TAOK2: variants seen among roughly 807,000 people sequenced by gnomAD.
TAOK2 encodes TAO kinase 2.
Under a neutral mutation model 122.5 loss-of-function variants are expected in TAOK2, and 42 were observed. That is an observed-to-expected ratio of 0.34 (90% CI 0.27 to 0.44). The LOEUF (loss-of-function observed/expected upper bound fraction) is 0.44, where lower values mean the gene tolerates loss of function less well. Ranked by LOEUF, TAOK2 falls within the 20% of genes least tolerant of loss-of-function variation. The pLI is 1.00. For missense variants in TAOK2, 1,264 were observed against 1,644.9 expected (o/e 0.77, Z 4.01); for synonymous variants, 704 against 677.6 (o/e 1.04, Z -0.61).
rs2069815919 is a variant in TAOK2, at chr16:29,986,851, G to A, written c.2579G>A (p.Ser860Asn). Residue 860 changes from serine (S) to asparagine (N), a missense_variant, in exon 16 of 16, where the codon AGC becomes AAC. Coordinates refer to ENST00000308893, the MANE Select transcript of TAOK2 (RefSeq NM_016151.4). The surrounding 1 kb of genome is among the most constrained non-coding windows in gnomAD (Gnocchi z 4.2). ...CCCTCCCTTGTACCCCAGGAGAGGA[G>A]CATTGTTGGCCAGGAGGAGGCTGGG... ...RVPSLVPQER[S>N]IVGQEEAGTW... is the part of the protein sequence containing the mutation. 4 of 1,613,954 alleles carry A rather than the reference G, an allele frequency of 2.5e-6. No individual in the cohort carries two copies. The South Asian group carries it at 3.3e-5, about 13-fold the overall frequency.
chr16:29,989,845 A>G, downstream of TAOK2: 2 of 1,600,190 alleles, frequency 1.2e-6, no homozygotes, highest in Non-Finnish European at 1.7e-6. Context: ...GCTAGAGGCC[A>G]GGCTCTGTAC....
rs375597988 is a variant in TAOK2, at chr16:29,986,220, C to G, written c.1993-45C>G. On this transcript the variant is annotated intron_variant, in intron 15 of 15. Coordinates refer to ENST00000308893, the MANE Select transcript of TAOK2 (RefSeq NM_016151.4). The surrounding 1 kb of genome is among the most constrained non-coding windows in gnomAD (Gnocchi z 4.2). ...CCAAGGAGCCCTGGCCTCTCACTTC[C>G]TTGATACTGACCAGGCCCCGGGCCC... 8.6e-6 allele frequency: 13 copies of G among 1,507,974 alleles called. No homozygotes were observed. The East Asian group carries it at 1.4e-4, about 16-fold the overall frequency. The allele number at this position is 1,507,974 out of a possible 1,614,324, so 93.4% of individuals were successfully genotyped here.
Position 29,985,694 on chromosome 16 carries a change from A to G in TAOK2, c.1825A>G (p.Lys609Glu). 6.2e-7 allele frequency: 1 copy of G among 1,608,724 alleles called. No homozygotes were observed. The highest frequency in any genetic ancestry group is 8.5e-7 in the Non-Finnish European group (1 of 1,177,878). ...GAACCCCAGCACTCCCAAGCGGGAG[A>G]AGGCCGAGTGGCTGCTGCGGCAGAA... is the stretch of plus-strand genomic sequence containing the variant. ...QENPSTPKRE[K>E]AEWLLRQKEQ... The change falls in exon 15 of 16, where the codon AAG (lysine) becomes GAG (glutamate). Residue 609 changes from lysine to glutamate, a missense_variant. Transcript: ENST00000308893. This position sits in a 1 kb window ranked among gnomAD's most constrained non-coding sequence, Gnocchi z 6.9.
chr16:29,990,885 C>G (rs774634150), downstream of TAOK2: 6 of 1,613,586 alleles, frequency 3.7e-6, no homozygotes, highest in East Asian at 2.2e-5. Context: ...AGATCAAGAT[C>G]CGCACAGAGA....
chr16:29,987,633 G>C lies in TAOK2; in HGVS notation c.3361G>C (p.Asp1121His), dbSNP rs1278377206. The change falls in exon 16 of 16, where the codon GAT becomes CAT. Residue 1121 changes from aspartate (D) to histidine (H), a missense_variant. Coordinates refer to ENST00000308893, the MANE Select transcript of TAOK2 (RefSeq NM_016151.4). Reference protein sequence around the residue: ...LFALYPKTNKDGFRSRLPVPG... With the variant: ...LFALYPKTNKHGFRSRLPVPG... ...TGCACTGTACCCCAAAACCAACAAG[G>C]ATGGCTTCCGCAGCCGCCTGCCCGT... is the stretch of plus-strand genomic sequence containing the variant. 6.2e-7 allele frequency: 1 copy of C among 1,613,292 alleles called. No individual in the cohort carries two copies. Among genetic ancestry groups the C allele is most frequent in the Non-Finnish European group, 8.5e-7 (1 of 1,179,474 alleles).
chr16:29,985,970 A>G lies in TAOK2; in HGVS notation c.1992+109A>G. 1 of 1,352,364 alleles carries G rather than the reference A, an allele frequency of 7.4e-7. No individual in the cohort carries two copies. The highest frequency in any genetic ancestry group is 2.5e-5 in the East Asian group (1 of 39,942). The allele number at this position is 1,352,364 out of a possible 1,614,324, so 83.8% of individuals were successfully genotyped here. A position where few individuals can be genotyped will look rare whatever the true frequency, so the allele number is the denominator to read the frequency against. On this transcript the variant is annotated intron_variant, in intron 15 of 15. Transcript: ENST00000308893. This position sits in a 1 kb window ranked among gnomAD's most constrained non-coding sequence, Gnocchi z 6.9. ...TCTTTCTCCTTGGCCCTCGAGTGTT[A>G]CAGTTCAGCTTTGCTTCAGTGCCCC...
intron 8 of TAOK2, chr16:29,980,630 TCTC>T (rs1275777243): frequency 1.3e-5 from 2 of 152,064 alleles, no homozygotes; most frequent in African/African-American, 4.8e-5. Flanking sequence ...GACGAGCCCT[TCTC>T]CTCCATCTTC....
downstream of TAOK2, chr16:29,989,535 C>T (rs189939123): frequency 1.5e-4 from 237 of 1,605,814 alleles, no homozygotes; most frequent in Non-Finnish European, 2.0e-4. Flanking sequence ...CCTCTTCCTC[C>T]TCTTCCTCCT....
intron 13 of TAOK2, among the ~76,000 whole-genome samples, chr16:29,984,451 G>C (rs1265949584): frequency 6.6e-6 from 1 of 152,200 alleles, no homozygotes; most frequent in Non-Finnish European, 1.5e-5. Context: ...CTGCATTTGA[G>C]CGTCAACAAT....
intron 4 of TAOK2, 97 bp from the exon 5 acceptor site, chr16:29,978,702 C>T (rs764639192): frequency 4.6e-5 from 66 of 1,434,744 alleles, no homozygotes; most frequent in Non-Finnish European, 5.8e-5. Flanking sequence ...CCTGTCATCA[C>T]CCCGGGGACA....
In TAOK2 at chr16:29,978,085, C is replaced by G. The variant is rs1232034886; in HGVS notation, c.133-4C>G. ...CTTCAACACCTTCTGGTCTGGTCCT[C>G]TAGGCCCGGGATGTCCGGAATAGTG... On this transcript the variant is annotated splice_polypyrimidine_tract_variant and splice_region_variant and intron_variant, in intron 2 of 15. Transcript: ENST00000308893. 1 of 1,614,140 alleles carries G rather than the reference C, an allele frequency of 6.2e-7. No homozygotes were observed. Among genetic ancestry groups the G allele is most frequent in the Admixed American group, 1.7e-5 (1 of 60,030 alleles).
chr16:29,987,444 C>G lies in TAOK2; in HGVS notation c.3172C>G (p.Leu1058Val). 1 of 1,601,240 alleles carries G rather than the reference C, an allele frequency of 6.2e-7. No individual in the cohort carries two copies. The highest frequency in any genetic ancestry group is 8.5e-7 in the Non-Finnish European group (1 of 1,171,866). The change falls in exon 16 of 16, where the codon CTA (leucine) becomes GTA (valine). Residue 1058 changes from leucine (L) to valine (V), a missense_variant. Around this residue, in one of 4 missense-constraint regions of TAOK2, gnomAD observed 824 missense variants for 908.7 expected, o/e 0.91. Coordinates refer to ENST00000308893, the MANE Select transcript of TAOK2 (RefSeq NM_016151.4). ...GCTCTTAGCTTGGCCAGGCCTAGCT[C>G]TACCTCTGGTGGCTATGGCAGCGGG... Reference protein sequence around the residue: ...AWLLAWPGLALPLVAMAAGGR... With the variant: ...AWLLAWPGLAVPLVAMAAGGR...
chr16:29,978,100 C>A lies in TAOK2; in HGVS notation c.144C>A (p.Val48=). Residue 48 remains valine, a synonymous_variant, in exon 3 of 16, where the codon GTC becomes GTA. Transcript: ENST00000308893. ...GTCTGGTCCTCTAGGCCCGGGATGT[C>A]CGGAATAGTGAGGTGGTGGCCATCA... ...SFGAVYFARD[V]RNSEVVAIKK... The A allele has an allele frequency of 1.2e-6, 2 of 1,614,056 alleles. No individual in the cohort carries two copies. The highest frequency in any genetic ancestry group is 1.7e-6 in the Non-Finnish European group (2 of 1,180,020).
intron 13 of TAOK2, among the ~76,000 whole-genome samples, chr16:29,983,992 A>G (rs570976934): frequency 8.5e-5 from 13 of 152,080 alleles, no homozygotes; most frequent in Non-Finnish European, 1.6e-4. Flanking sequence ...GGGGAAGCCC[A>G]GTGCTGGGGG....
chr16:29,975,231 G>T (rs184426803), intron 1 of TAOK2, among the ~76,000 whole-genome samples: 6 of 152,094 alleles, frequency 3.9e-5, no homozygotes, highest in Admixed American at 6.5e-5. Flanking sequence ...TTTGTCAAAC[G>T]ATCTGTCTTT....
downstream of TAOK2, chr16:29,990,755 C>T (rs371912345): frequency 4.4e-5 from 70 of 1,583,148 alleles, no homozygotes; most frequent in African/African-American, 2.8e-4. Context: ...GGGAGGAGAT[C>T]CCTACAACTG....
chr16:29,989,695 G>C (rs553510243), downstream of TAOK2: 14 of 1,613,956 alleles, frequency 8.7e-6, no homozygotes, highest in Non-Finnish European at 1.2e-5. Flanking sequence ...CACGCCCAAA[G>C]CTCAGCACAA....
At position 29,986,897 on chromosome 16, in the gene TAOK2, G is replaced by A; in HGVS notation, c.2625G>A (p.Lys875=). The A allele has an allele frequency of 6.2e-7, 1 of 1,613,662 alleles. No individual in the cohort carries two copies. The highest frequency in any genetic ancestry group is 2.2e-5 in the East Asian group (1 of 44,868). ...CTGGGACATGGAGCTTGTGGGGGAA[G>A]GAGGATGAGAGTCTTCTGGATGAGG... ...EEAGTWSLWG[K]EDESLLDEEF... Residue 875 remains lysine, a synonymous_variant, in exon 16 of 16, where the codon AAG becomes AAA. Coordinates refer to ENST00000308893, the MANE Select transcript of TAOK2 (RefSeq NM_016151.4). The surrounding 1 kb of genome is among the most constrained non-coding windows in gnomAD (Gnocchi z 4.2).
At position 29,981,763 on chromosome 16, in the gene TAOK2, T is replaced by C. The variant is rs763994531; in HGVS notation, c.749+9T>C. The C allele has an allele frequency of 1.2e-5, 20 of 1,613,810 alleles. No individual in the cohort carries two copies. The highest frequency in any genetic ancestry group is 1.6e-5 in the Non-Finnish European group (19 of 1,179,784). On this transcript the variant is annotated intron_variant, in intron 9 of 15. Transcript: ENST00000308893. ...CTCCAGTCAGGACACTGGTGAGGAC[T>C]GAGATTCCGAATCTGGGCCCAGGCG...
Sources: allele counts gnomAD v4.1 joint callset (sites outside exome capture counted in the v4.1 genomes callset), GRCh38; gene constraint gnomAD v4.1.1; regional missense constraint gnomAD v4.1.1; non-coding constraint Gnocchi (gnomAD v3.1); transcripts MANE v1.5; gene names NCBI Gene and HGNC (gene_info 2026-07-23, HGNC 2026-07-21).